Variants in NHS observed in about 807,000 individuals in gnomAD.
NHS encodes NHS actin remodeling regulator.
NHS carries 5 observed loss-of-function variants against 72.5 expected under a neutral mutation model. That is an observed-to-expected ratio of 0.07 (90% CI 0.04 to 0.14). The LOEUF is 0.14. NHS is among the 10% of genes least tolerant of loss of function. The probability of loss-of-function intolerance (pLI) is 1.00; values close to 1 mark genes in which losing one functional copy is unlikely to be tolerated. For missense variants in NHS, 1,072 were observed against 1,355.7 expected, an observed-to-expected ratio of 0.79 and a Z score of 3.29; for synonymous variants, 464 against 547.7, an observed-to-expected ratio of 0.85 and a Z score of 2.13.
chrX:17,697,989 A>T (rs1429734146), intron 3 of NHS, among the ~76,000 whole-genome samples: 5 of 111,532 alleles, frequency 4.5e-5, no homozygotes, highest in Non-Finnish European at 9.4e-5. Flanking sequence ...TAAACAGAGA[A>T]GACAACACAT....
At chrX:17,644,380 A>G (rs1017123755) in intron 1 of NHS, among the ~76,000 whole-genome samples, 2 of 112,071 alleles carry the variant, frequency 1.8e-5, no homozygotes, top group Non-Finnish European at 3.8e-5. Flanking sequence ...TCACACACCT[A>G]CAGGTCTGTG....
intron 1 of NHS, among the ~76,000 whole-genome samples, chrX:17,656,482 C>T (rs113020773): frequency 2.7e-3 from 302 of 111,911 alleles, no homozygotes; most frequent in Middle Eastern, 4.6e-3. Flanking sequence ...GGCTCGAGGC[C>T]AGCCGCGCGC....
Position 17,726,262 on chromosome X carries a change from G to A in NHS, c.2156G>A (p.Ser719Asn). The A allele has an allele frequency of 8.3e-7, 1 of 1,211,829 alleles. No individual in the cohort carries two copies. The highest frequency in any genetic ancestry group is 1.1e-6 in the Non-Finnish European group (1 of 895,560). The change falls in exon 7 of 9, where the codon AGT becomes AAT. Residue 719 changes from serine (S) to asparagine (N), a missense_variant. By Grantham distance (46) the Ser-to-Asn change is conservative. Transcript: ENST00000676302. The part of the protein sequence containing the change: ...LLDDPNNSNT[S>N]DSEWNYLHHH... ...GATGATCCCAACAACAGCAACACAA[G>A]TGACAGTGAGTGGAATTACCTACAC...
intron 1 of NHS, among the ~76,000 whole-genome samples, chrX:17,496,729 C>T (rs1194527325): frequency 1.8e-5 from 2 of 111,837 alleles, no homozygotes; most frequent in African/African-American, 6.5e-5. Flanking sequence ...TAATTTCAAC[C>T]TTTGTTATTT....
At chrX:17,569,486 A>G (rs2065463985) in intron 1 of NHS, among the ~76,000 whole-genome samples, 1 of 111,173 alleles carries the variant, frequency 9.0e-6, no homozygotes, top group African/African-American at 3.3e-5. Context: ...GTGTCTGTTC[A>G]TATCCTTTGC....
chrX:17,636,102 C>A (rs1374118279), intron 1 of NHS, among the ~76,000 whole-genome samples: 1 of 111,959 alleles, frequency 8.9e-6, no homozygotes, highest in African/African-American at 3.3e-5. Flanking sequence ...AGCACTGCCC[C>A]CTCCAGTCTT....
chrX:17,587,379 C>T (rs1250133935), intron 1 of NHS, among the ~76,000 whole-genome samples: 1 of 112,373 alleles, frequency 8.9e-6, no homozygotes, highest in Non-Finnish European at 1.9e-5. Context: ...AGCGAAGATG[C>T]GTTCTTTGGC....
rs141312460 is a variant in NHS at position 17,458,869 on chromosome X, C to T, written c.565+82547C>T. Among the ~76,000 whole-genome samples the T allele has an allele frequency of 2.8e-3, 315 of 112,062 alleles. 1 individual carries two copies. Among genetic ancestry groups the T allele is most frequent in the Middle Eastern group, 0.023 (5 of 217 alleles). ...CTCCACCTATTATTCACCTTTGTAA[C>T]CCCAGGAGCAGTGCTACTCTAAGTT... On this transcript the variant is annotated intron_variant, in intron 1 of 8. Coordinates refer to ENST00000676302, the MANE Select transcript of NHS (RefSeq NM_001291867.2).
At chrX:17,412,557 AC>A (rs200864423) in intron 1 of NHS, among the ~76,000 whole-genome samples, 2,119 of 111,431 alleles carry the variant, frequency 0.019, 38 homozygotes, top group Middle Eastern at 0.041. Flanking sequence ...TGATCACGTC[AC>A]TGCACTCCAG....
intron 1 of NHS, among the ~76,000 whole-genome samples, chrX:17,475,981 A>T (rs2064915650): frequency 9.0e-6 from 1 of 111,522 alleles, no homozygotes; most frequent in Non-Finnish European, 1.9e-5. Flanking sequence ...TTGTTGCAAC[A>T]TCACAAGAGA....
chrX:17,667,538 C>T (rs747964865), intron 1 of NHS, among the ~76,000 whole-genome samples: 2 of 110,780 alleles, frequency 1.8e-5, no homozygotes, highest in African/African-American at 3.3e-5. Context: ...AAAATGCTGC[C>T]GAGGTGTCTC....
chrX:17,726,101 G>C lies in NHS; in HGVS notation c.1995G>C (p.Ser665=), dbSNP rs779565943. The stretch of plus-strand genomic sequence containing the variant: ...TCACTGGCTCTTCACACTGTGACTC[G>C]GAGTTGTCACTAAACACAGCCCCTC... ...PPLTGSSHCD[S]ELSLNTAPHA... Residue 665 remains serine, a synonymous_variant, in exon 7 of 9, where the codon TCG becomes TCC. Transcript: ENST00000676302. 8.3e-7 allele frequency: 1 copy of C among 1,210,072 alleles called. No individual in the cohort carries two copies. The highest frequency in any genetic ancestry group is 3.0e-5 in the East Asian group (1 of 33,761).
intron 1 of NHS, 72 bp downstream of exon 1, chrX:17,376,394 G>A (rs934293449): frequency 4.5e-5 from 43 of 963,846 alleles, no homozygotes; most frequent in Non-Finnish European, 6.1e-5. Flanking sequence ...CCCCAGCAGC[G>A]GCAATCCCAG....
intron 1 of NHS, among the ~76,000 whole-genome samples, chrX:17,638,431 A>T (rs911116904): frequency 2.7e-5 from 3 of 112,620 alleles, no homozygotes; most frequent in Non-Finnish European, 5.6e-5. Flanking sequence ...AAATGTGAGA[A>T]TTGAAAACTA....
chrX:17,507,521 C>T, intron 1 of NHS, among the ~76,000 whole-genome samples: 1 of 111,968 alleles, frequency 8.9e-6, no homozygotes, highest in East Asian at 2.8e-4. Context: ...TTTTTAAATT[C>T]CCAGAAAATT....
chrX:17,732,422 C>G lies in NHS; in HGVS notation c.4914C>G (p.Asp1638Glu). Residue 1638 changes from aspartate to glutamate, a missense_variant, in exon 9 of 9, where the codon GAC (aspartate) becomes GAG (glutamate). By Grantham distance (45) the Asp-to-Glu change is conservative (BLOSUM62 2). Coordinates refer to ENST00000676302, the MANE Select transcript of NHS (RefSeq NM_001291867.2). ...CCGAGGGAGAGACGGAAAATTCTGA[C>G]GGGAGCCCACATGACGACCGTTCCT... Reference protein sequence around the residue: ...AISEGETENSDGSPHDDRSSQ... With the variant: ...AISEGETENSEGSPHDDRSSQ... 8.2e-7 allele frequency: 1 copy of G among 1,212,304 alleles called. No individual in the cohort carries two copies. The highest frequency in any genetic ancestry group is 1.7e-5 in the African/African-American group (1 of 57,972).
intron 1 of NHS, among the ~76,000 whole-genome samples, chrX:17,407,035 ATCCT>A: frequency 8.9e-6 from 1 of 111,791 alleles, no homozygotes; most frequent in Non-Finnish European, 1.9e-5. Context: ...CAAACCTTCC[ATCCT>A]TCCTTCCTCC....
intron 1 of NHS, among the ~76,000 whole-genome samples, chrX:17,398,366 C>T (rs989245043): frequency 3.6e-5 from 4 of 112,066 alleles, no homozygotes; most frequent in Non-Finnish European, 5.6e-5. Flanking sequence ...GTTTAAAGAT[C>T]GAGACTCAAA....
chrX:17,485,808 C>A (rs1037528795), intron 1 of NHS, among the ~76,000 whole-genome samples: 3 of 111,617 alleles, frequency 2.7e-5, no homozygotes, highest in Non-Finnish European at 1.9e-5. Flanking sequence ...AACATGGCAG[C>A]GTTTTGGATT....
Sources: allele counts gnomAD v4.1 joint callset (sites outside exome capture counted in the v4.1 genomes callset), GRCh38; gene constraint gnomAD v4.1.1; transcripts MANE v1.5; gene names NCBI Gene and HGNC (gene_info 2026-07-23, HGNC 2026-07-21).